Variants in GCNT2 observed in about 807,000 individuals in gnomAD.
GCNT2 encodes the protein N-acetyllactosaminide beta-1,6-N-acetylglucosaminyl-transferase.
In GCNT2, 34 loss-of-function variants were observed where a neutral mutation model predicts 34.2. That is an observed-to-expected ratio of 1.00 (90% CI 0.76 to 1.32). The LOEUF (loss-of-function observed/expected upper bound fraction) is 1.32. Among genes scored for constraint, GCNT2 ranks in the 40% most tolerant of loss-of-function variants. GCNT2 has a pLI of 0.00. For synonymous variants in GCNT2, 212 were observed against 188.0 expected (o/e 1.13, Z -1.04); for missense variants, 584 against 489.4 (o/e 1.19, Z -1.82).
chr6:10,568,675 C>T (rs1338084616), intron 3 of GCNT2, among the ~76,000 whole-genome samples: 4 of 152,190 alleles, frequency 2.6e-5, no homozygotes, highest in African/African-American at 9.7e-5. Flanking sequence ...ATGTCAAAAT[C>T]TCCCTGTTGG....
chr6:10,621,375 C>G lies in GCNT2; in HGVS notation c.950C>G (p.Ala317Gly). 6.2e-7 allele frequency: 1 copy of G among 1,612,726 alleles called. No homozygotes were observed. The highest frequency in any genetic ancestry group is 1.3e-5 in the African/African-American group (1 of 75,018). ...IPGVPGSMPN[A>G]SWTGNLRAIK... Reference sequence around the variant, plus strand: ...GGTGTTCCTGGCTCTATGCCAAATGCATCCTGGACTGGAAACCTCAGAGCT... The same window carrying G: ...GGTGTTCCTGGCTCTATGCCAAATGGATCCTGGACTGGAAACCTCAGAGCT... Residue 317 changes from alanine (A) to glycine (G), a missense_variant, in exon 4 of 5, where the codon GCA becomes GGA. By Grantham distance (60) the Ala-to-Gly change is moderately conservative. Transcript: ENST00000495262.
chr6:10,524,237 C>G (rs1398698411), intron 1 of GCNT2, among the ~76,000 whole-genome samples: 1 of 151,344 alleles, frequency 6.6e-6, no homozygotes, highest in East Asian at 2.0e-4. Flanking sequence ...AACTTTCTGA[C>G]ACATAATCCA....
At chr6:10,560,157 C>T (rs974159381) in intron 3 of GCNT2, among the ~76,000 whole-genome samples, 7 of 152,068 alleles carry the variant, frequency 4.6e-5, no homozygotes, top group Non-Finnish European at 1.0e-4. Context: ...GGTGCGATCT[C>T]GGCTTACTGC....
intron 3 of GCNT2, chr6:10,573,205 T>C: frequency 1.0e-6 from 1 of 983,952 alleles, no homozygotes; most frequent in Non-Finnish European, 1.2e-6. Flanking sequence ...ATAGTGTCTC[T>C]TGGAACTTCT....
intron 3 of GCNT2, chr6:10,558,109 T>C (rs983941212): frequency 2.6e-5 from 4 of 152,298 alleles, no homozygotes; most frequent in African/African-American, 9.7e-5. Flanking sequence ...CACCACTCTG[T>C]TTTTCTTTTA....
intron 3 of GCNT2, among the ~76,000 whole-genome samples, chr6:10,604,867 G>GAAAAAAAAA (rs3064184): frequency 1.4e-5 from 2 of 147,836 alleles, no homozygotes; most frequent in African/African-American, 4.9e-5. Flanking sequence ...TCAAAAAAAA[G>GAAAAAAAAA]AAAAAGAAAA....
rs534322939 is a variant in GCNT2, at chr6:10,628,113, A to G, written c.*1506A>G. On this transcript the variant is annotated 3_prime_UTR_variant, in exon 5 of 5. Coordinates refer to ENST00000495262, the MANE Select transcript of GCNT2 (RefSeq NM_145649.5). ...TCAGTTCATTTCCTGAGGTGGATTT[A>G]CTGAGAGAAGGTGAAATAAAGCCAT... 2.0e-5 allele frequency: 3 copies of G among 152,590 alleles called. No homozygotes were observed. The highest frequency in any genetic ancestry group is 2.9e-5 in the Non-Finnish European group (2 of 68,036). The allele number at this position is 152,590 out of a possible 1,614,324, so 9.5% of individuals were successfully genotyped here.
chr6:10,577,497 C>G (rs903680378), intron 3 of GCNT2, among the ~76,000 whole-genome samples: 1 of 152,048 alleles, frequency 6.6e-6, no homozygotes, highest in Non-Finnish European at 1.5e-5. Flanking sequence ...TTAAGGGGCT[C>G]GAATTCCATG....
chr6:10,581,607 TA>T, intron 3 of GCNT2: 1 of 227,462 alleles, frequency 4.4e-6, no homozygotes, highest in Non-Finnish European at 7.3e-6. Context: ...TTTTGAACTA[TA>T]AATCATGCTG....
chr6:10,563,946 T>G (rs1763164995), intron 3 of GCNT2, among the ~76,000 whole-genome samples: 1 of 151,966 alleles, frequency 6.6e-6, no homozygotes, highest in Non-Finnish European at 1.5e-5. Context: ...ATTGAATGAT[T>G]GCAATTACTG....
At position 10,521,918 on chromosome 6, in the gene GCNT2, C is replaced by T. The variant is rs62397965; in HGVS notation, c.-469+501C>T. 2.4e-4 allele frequency among the ~76,000 whole-genome samples: 36 copies of T among 149,114 alleles called. 1 individual carries two copies. Among genetic ancestry groups the T allele is most frequent in the Middle Eastern group, 3.2e-3 (1 of 312 alleles). On this transcript the variant is annotated intron_variant, in intron 1 of 4. Transcript: ENST00000495262. ...GCATTTAAATTTTTTTTTTTTTTTC[C>T]AGACATAGTCTCACTCTGTCACCCA...
At chr6:10,556,634 T>A (rs749097865) in intron 3 of GCNT2, 37 of 1,613,970 alleles carry the variant, frequency 2.3e-5, no homozygotes, top group Middle Eastern at 3.3e-4. Flanking sequence ...TGAGAAGTCT[T>A]CTTGCAAGGA....
intron 3 of GCNT2, among the ~76,000 whole-genome samples, chr6:10,574,100 A>G (rs989843304): frequency 5.9e-5 from 9 of 152,202 alleles, no homozygotes; most frequent in Non-Finnish European, 1.3e-4. Flanking sequence ...TAAGAACCCT[A>G]TGGGGTCAGC....
intron 3 of GCNT2, among the ~76,000 whole-genome samples, chr6:10,588,604 C>G (rs1005666078): frequency 2.0e-5 from 3 of 152,050 alleles, no homozygotes; most frequent in Non-Finnish European, 4.4e-5. Context: ...AAATTTCCTG[C>G]AGAATCCCGA....
chr6:10,528,653 A>C lies in GCNT2; in HGVS notation c.-259A>C, dbSNP rs376026674. On this transcript the variant is annotated 5_prime_UTR_variant, in exon 3 of 5. Coordinates refer to ENST00000495262, the MANE Select transcript of GCNT2 (RefSeq NM_145649.5). ...TAGACACAGGTTGCAGGTTAGCAGG[A>C]GAACAGGCAAGCCAAATGCAAAGGA... 9.3e-6 allele frequency: 5 copies of C among 538,298 alleles called. No individual in the cohort carries two copies. Among genetic ancestry groups the C allele is most frequent in the East Asian group, 3.3e-5 (1 of 30,020 alleles). The allele number at this position is 538,298 out of a possible 1,614,324, so 33.3% of individuals were successfully genotyped here. A position where few individuals can be genotyped will look rare whatever the true frequency, so the allele number is the denominator to read the frequency against.
At chr6:10,569,274 C>CACACACACACACACA (rs1491123758) in intron 3 of GCNT2, among the ~76,000 whole-genome samples, 51 of 137,130 alleles carry the variant, frequency 3.7e-4, no homozygotes, top group Middle Eastern at 3.8e-3. Flanking sequence ...CACACACACA[C>CACACACACACACACA]CCCCTAGGTA....
In GCNT2 at chr6:10,583,632, C is replaced by G. The variant is rs1764218096; in HGVS notation, c.926-37719C>G. ...TCCTGGTTCCCCTGAATTACACTGG[C>G]TGATACTTCCAGGAATTCTGCAGCA... On this transcript the variant is annotated intron_variant, in intron 3 of 4. Transcript: ENST00000495262. 2.0e-5 allele frequency among the ~76,000 whole-genome samples: 3 copies of G among 152,166 alleles called. No individual in the cohort carries two copies. The South Asian group carries it at 6.2e-4, about 32-fold the overall frequency.
intron 3 of GCNT2, among the ~76,000 whole-genome samples, chr6:10,596,097 C>T (rs1764839586): frequency 6.6e-6 from 1 of 152,088 alleles, no homozygotes; most frequent in Non-Finnish European, 1.5e-5. Flanking sequence ...TATTTTTATC[C>T]AACTTCACCT....
At chr6:10,582,336 TATATAATATATA>T (rs1271935021) in intron 3 of GCNT2, among the ~76,000 whole-genome samples, 1 of 106,960 alleles carries the variant, frequency 9.3e-6, no homozygotes, top group African/African-American at 4.7e-5. Context: ...TAATATATAC[TATATAATATATA>T]GTAATATTAA....
Sources: gnomAD v4.1 joint callset for allele counts (sites outside exome capture counted in the v4.1 genomes callset) on GRCh38, gnomAD v4.1.1 for gene constraint, MANE v1.5 for transcripts, NCBI Gene and HGNC (gene_info 2026-07-23, HGNC 2026-07-21) for gene names.